Variants in CCSER1 observed in about 807,000 individuals in gnomAD.
CCSER1 encodes coiled-coil serine rich protein 1, also known as serine-rich coiled-coil domain-containing protein 1.
CCSER1 carries 41 observed loss-of-function variants against 82.0 expected under a neutral mutation model. The observed-to-expected ratio is 0.50, with a 90% CI of 0.39 to 0.65. The LOEUF (loss-of-function observed/expected upper bound fraction) is 0.65, where lower values mean the gene tolerates loss of function less well. CCSER1 is among the 30% of genes least tolerant of loss of function. The probability of loss-of-function intolerance (pLI) is 0.00; values close to 1 mark genes in which losing one functional copy is unlikely to be tolerated. For synonymous variants in CCSER1, 414 were observed against 383.9 expected (o/e 1.08, Z -0.92); for missense variants, 1,119 against 1,064.2 (o/e 1.05, Z -0.72).
At chr4:90,543,926 G>A (rs559253057) in intron 5 of CCSER1, among the ~76,000 whole-genome samples, 1 of 152,238 alleles carries the variant, frequency 6.6e-6, no homozygotes, top group South Asian at 2.1e-4. Context: ...ATTTCACCCT[G>A]CATCTCAGCT....
At chr4:90,663,085 A>G (rs1261245563) in intron 6 of CCSER1, among the ~76,000 whole-genome samples, 2 of 152,202 alleles carry the variant, frequency 1.3e-5, no homozygotes, top group African/African-American at 4.8e-5. Flanking sequence ...GATTTTTATC[A>G]GGAAGATAAA....
At chr4:90,164,444 G>C (rs1268624530) in intron 1 of CCSER1, among the ~76,000 whole-genome samples, 1 of 152,084 alleles carries the variant, frequency 6.6e-6, no homozygotes, top group Non-Finnish European at 1.5e-5. Context: ...GGACAAAAAA[G>C]AATCTGTACT....
chr4:91,125,346 T>C (rs1727422370), intron 10 of CCSER1, among the ~76,000 whole-genome samples: 1 of 151,668 alleles, frequency 6.6e-6, no homozygotes, highest in Non-Finnish European at 1.5e-5. Context: ...GCAATTTTAT[T>C]TTTAGTAGTA....
At chr4:91,146,508 G>C (rs955713779) in intron 10 of CCSER1, among the ~76,000 whole-genome samples, 3 of 152,030 alleles carry the variant, frequency 2.0e-5, no homozygotes, top group Non-Finnish European at 2.9e-5. Context: ...TTTTTGAACT[G>C]TTGGCGTTTT....
chr4:91,106,042 T>C (rs1725580406), intron 10 of CCSER1, among the ~76,000 whole-genome samples: 1 of 152,248 alleles, frequency 6.6e-6, no homozygotes, highest in South Asian at 2.1e-4. Context: ...AATTACCAGA[T>C]ACATTTGACC....
chr4:90,623,570 C>CA (rs986560360), intron 5 of CCSER1, among the ~76,000 whole-genome samples: 9 of 152,180 alleles, frequency 5.9e-5, no homozygotes, highest in African/African-American at 2.2e-4. Context: ...CCCCATATCA[C>CA]AGGTAGTGGT....
chr4:90,749,351 T>TA (rs1748146683), intron 7 of CCSER1, among the ~76,000 whole-genome samples: 1 of 151,774 alleles, frequency 6.6e-6, no homozygotes, highest in African/African-American at 2.4e-5. Flanking sequence ...TAGTTGTAGA[T>TA]ATGCGGCGTT....
chr4:91,326,877 T>TA (rs1335472197), intron 10 of CCSER1, among the ~76,000 whole-genome samples: 1 of 152,116 alleles, frequency 6.6e-6, no homozygotes, highest in Non-Finnish European at 1.5e-5. Context: ...CATTAAATCT[T>TA]AAAGCTTCAA....
chr4:91,582,513 G>A (rs1481768980), intron 10 of CCSER1, among the ~76,000 whole-genome samples: 1 of 151,494 alleles, frequency 6.6e-6, no homozygotes, highest in Non-Finnish European at 1.5e-5. Flanking sequence ...ATAAACTCAA[G>A]GAGATATGTC....
chr4:90,291,911 TTATGTAAA>T (rs1731006667), intron 1 of CCSER1, among the ~76,000 whole-genome samples: 1 of 151,976 alleles, frequency 6.6e-6, no homozygotes, highest in Non-Finnish European at 1.5e-5. Flanking sequence ...GAATGTTATA[TTATGTAAA>T]TATGTTAATT....
intron 10 of CCSER1, among the ~76,000 whole-genome samples, chr4:91,256,297 C>G (rs752326787): frequency 6.6e-6 from 1 of 152,134 alleles, no homozygotes; most frequent in Non-Finnish European, 1.5e-5. Context: ...TCTCTGCTCT[C>G]GAACCCTGTT....
chr4:90,201,636 A>G (rs562390200), intron 1 of CCSER1, among the ~76,000 whole-genome samples: 2 of 152,044 alleles, frequency 1.3e-5, no homozygotes, highest in South Asian at 4.2e-4. Flanking sequence ...CTTACGGAAC[A>G]TCTTAATTTG....
intron 10 of CCSER1, among the ~76,000 whole-genome samples, chr4:91,571,074 C>T (rs1763152888): frequency 6.6e-6 from 1 of 152,154 alleles, no homozygotes; most frequent in African/African-American, 2.4e-5. Context: ...ACTCCAGTTC[C>T]CAACAAGTTT....
intron 9 of CCSER1, among the ~76,000 whole-genome samples, chr4:91,047,023 G>C (rs1165543519): frequency 2.6e-5 from 4 of 152,084 alleles, no homozygotes; most frequent in African/African-American, 9.7e-5. Context: ...TCAAGGCTAA[G>C]AGTTGTTTAT....
intron 10 of CCSER1, among the ~76,000 whole-genome samples, chr4:91,501,627 C>T (rs1026949973): frequency 3.3e-5 from 5 of 151,952 alleles, no homozygotes; most frequent in African/African-American, 4.8e-5. Context: ...GTTTCACATA[C>T]TTATCTGCCC....
At chr4:90,634,923 G>T (rs1725149318) in intron 6 of CCSER1, among the ~76,000 whole-genome samples, 1 of 151,756 alleles carries the variant, frequency 6.6e-6, no homozygotes, top group African/African-American at 2.4e-5. Context: ...GAAAGTTAGA[G>T]TGACTATACT....
chr4:90,791,674 C>T (rs1161357716), intron 7 of CCSER1, among the ~76,000 whole-genome samples: 1 of 151,902 alleles, frequency 6.6e-6, no homozygotes, highest in East Asian at 1.9e-4. Flanking sequence ...CACAGTGAAA[C>T]CCCATCTCTA....
chr4:91,323,587 A>T (rs1465770145), intron 10 of CCSER1, among the ~76,000 whole-genome samples: 1 of 152,184 alleles, frequency 6.6e-6, no homozygotes, highest in East Asian at 1.9e-4. Context: ...TTTAAGATAC[A>T]TAGGTTAAGA....
At chr4:90,594,765 G>C (rs958373314) in intron 5 of CCSER1, among the ~76,000 whole-genome samples, 1 of 151,942 alleles carries the variant, frequency 6.6e-6, no homozygotes, top group Non-Finnish European at 1.5e-5. Flanking sequence ...TCAAAGAATT[G>C]AGGTGCTTTT....
Sources: gnomAD v4.1 joint callset for allele counts (sites outside exome capture counted in the v4.1 genomes callset) on GRCh38, gnomAD v4.1.1 for gene constraint, MANE v1.5 for transcripts, NCBI Gene and HGNC (gene_info 2026-07-23, HGNC 2026-07-21) for gene names.